The following VSIG1 variants were observed in gnomAD, a reference collection of about 807,000 sequenced individuals.
VSIG1 encodes V-set and immunoglobulin domain-containing protein 1.
In VSIG1, 11 loss-of-function variants were observed where a neutral mutation model predicts 20.1. The ratio of observed to expected loss-of-function variants is 0.55; its 90% CI spans 0.34 to 0.91. VSIG1 has a LOEUF of 0.91. Among genes scored for constraint, VSIG1 ranks in the 40% least tolerant of loss-of-function variants. The pLI, the probability that VSIG1 is intolerant of heterozygous loss-of-function variation, is 0.02. For missense variants in VSIG1, 283 were observed against 298.8 expected (o/e 0.95, Z 0.39); for synonymous variants, 126 against 116.7 (o/e 1.08, Z -0.52).
chrX:108,069,688 C>A (rs1465189358), intron 3 of VSIG1, among the ~76,000 whole-genome samples: 2 of 112,017 alleles, frequency 1.8e-5, no homozygotes, highest in Non-Finnish European at 3.8e-5. Context: ...ATTCATTTAA[C>A]AAACCCTGAG....
At chrX:108,031,011 C>T in the VSIG1 span, among the ~76,000 whole-genome samples, 73 of 112,542 alleles carry the variant, frequency 6.5e-4, no homozygotes, top group African/African-American at 2.1e-3. Flanking sequence ...CATTTATGCA[C>T]TTCCCACTCA....
the VSIG1 span, among the ~76,000 whole-genome samples, chrX:108,025,268 T>C: frequency 8.9e-6 from 1 of 112,229 alleles, no homozygotes; most frequent in African/African-American, 3.2e-5. Context: ...ATACTTATTG[T>C]TCACTATTGT....
At chrX:108,023,642 A>G in the VSIG1 span, among the ~76,000 whole-genome samples, 1 of 111,461 alleles carries the variant, frequency 9.0e-6, no homozygotes, top group Non-Finnish European at 1.9e-5. Flanking sequence ...ACAGGATTTT[A>G]ATTTATAGAG....
intron 1 of VSIG1, among the ~76,000 whole-genome samples, chrX:108,047,909 T>TATATATATATACACACAC (rs1569287267): frequency 1.9e-5 from 1 of 51,632 alleles, no homozygotes; most frequent in Non-Finnish European, 3.3e-5. Context: ...TATATACACA[T>TATATATATATACACACAC]ATATATATAC....
At chrX:108,038,867 T>C in the VSIG1 span, among the ~76,000 whole-genome samples, 2 of 111,858 alleles carry the variant, frequency 1.8e-5, no homozygotes, top group African/African-American at 6.5e-5. Context: ...TAATAATATG[T>C]TTTACTTAAC....
the VSIG1 span, among the ~76,000 whole-genome samples, chrX:108,036,469 A>G: frequency 9.0e-6 from 1 of 111,204 alleles, no homozygotes; most frequent in Admixed American, 9.5e-5. Context: ...CAAACAGTTC[A>G]ATGTACATAA....
Position 108,072,701 on chromosome X carries a change from G to T in VSIG1, c.437G>T (p.Ser146Ile). Residue 146 changes from serine (S) to isoleucine (I), a missense_variant, in exon 4 of 7, where the codon AGC becomes ATC. Physicochemically the swap from Ser to Ile is moderately radical, Grantham distance 142 (BLOSUM62 -2). Transcript: ENST00000217957. The stretch of plus-strand genomic sequence containing the variant: ...GTGAAACCTTCTAAGCCCCTTTGTA[G>T]CGTTCAAGGAAGACCAGAAACTGGC... Reference protein sequence around the residue: ...VLVKPSKPLCSVQGRPETGHT... With the variant: ...VLVKPSKPLCIVQGRPETGHT... 8.3e-7 allele frequency: 1 copy of T among 1,211,133 alleles called. No homozygotes were observed. Among genetic ancestry groups the T allele is most frequent in the South Asian group, 1.8e-5 (1 of 56,892 alleles).
chrX:108,077,385 G>C lies in VSIG1; in HGVS notation c.*4G>C. ...AAAGGGAGTGGTTAAGGCATAGGCT[G>C]GTGGCCTAAGTACAGCATTAATCAT... On this transcript the variant is annotated 3_prime_UTR_variant, in exon 7 of 7. Transcript: ENST00000217957. 8.3e-7 allele frequency: 1 copy of C among 1,206,214 alleles called. No homozygotes were observed. Among genetic ancestry groups the C allele is most frequent in the Non-Finnish European group, 1.1e-6 (1 of 892,284 alleles).
chrX:108,054,543 A>C (rs1350928107), intron 1 of VSIG1, among the ~76,000 whole-genome samples: 3 of 111,496 alleles, frequency 2.7e-5, no homozygotes, highest in Non-Finnish European at 5.7e-5. Flanking sequence ...CCTACAGAAC[A>C]TTCACCAAGA....
chrX:108,046,760 T>A (rs911810885), intron 1 of VSIG1, among the ~76,000 whole-genome samples: 1 of 111,785 alleles, frequency 8.9e-6, no homozygotes, highest in Non-Finnish European at 1.9e-5. Context: ...GTTTATTCCT[T>A]GTATACTTTT....
At chrX:108,063,024 C>A (rs1011345321) in intron 2 of VSIG1, among the ~76,000 whole-genome samples, 1 of 112,191 alleles carries the variant, frequency 8.9e-6, no homozygotes, top group African/African-American at 3.2e-5. Flanking sequence ...TCTTTTAGGA[C>A]AAATCTGGTT....
At chrX:108,063,554 T>C (rs2031071606) in intron 2 of VSIG1, among the ~76,000 whole-genome samples, 1 of 111,374 alleles carries the variant, frequency 9.0e-6, no homozygotes, top group African/African-American at 3.3e-5. Context: ...GACTTTTCCG[T>C]TCCCTGCAGT....
intron 2 of VSIG1, among the ~76,000 whole-genome samples, chrX:108,061,071 C>G (rs1271811446): frequency 8.9e-6 from 1 of 112,501 alleles, no homozygotes; most frequent in Non-Finnish European, 1.9e-5. Context: ...GGCCCTTTCT[C>G]TACCTGCTTC....
intron 2 of VSIG1, chrX:108,061,338 C>A: frequency 3.1e-6 from 2 of 646,134 alleles, no homozygotes; most frequent in Non-Finnish European, 2.4e-6. Flanking sequence ...AGTGGTCACA[C>A]TGAGAGATTC....
Position 108,073,232 on chromosome X carries a change from ATTCCCTGG to A in VSIG1, c.569-15_569-8del. On this transcript the variant is annotated splice_polypyrimidine_tract_variant and intron_variant, in intron 4 of 6. Coordinates refer to ENST00000217957, the MANE Select transcript of VSIG1 (RefSeq NM_182607.5). ...TGCACAGAAGAGATCTCAAAAGTCT[ATTCCCTGG>A]TTTCAACAGACCCAACCACCGGGAT... 8.3e-7 allele frequency: 1 copy of A among 1,209,978 alleles called. No homozygotes were observed. Among genetic ancestry groups the A allele is most frequent in the Non-Finnish European group, 1.1e-6 (1 of 894,431 alleles).
At chrX:108,047,997 T>TAC (rs2030695994) in intron 1 of VSIG1, among the ~76,000 whole-genome samples, 2 of 72,598 alleles carry the variant, frequency 2.8e-5, no homozygotes, top group Non-Finnish European at 4.9e-5. Flanking sequence ...TATATATATA[T>TAC]ATATACACAT....
chrX:108,037,664 A>G, the VSIG1 span, among the ~76,000 whole-genome samples: 1 of 112,498 alleles, frequency 8.9e-6, no homozygotes, highest in African/African-American at 3.2e-5. Flanking sequence ...TATCCCACAC[A>G]ATACACAAAA....
intron 2 of VSIG1, among the ~76,000 whole-genome samples, chrX:108,059,917 A>G (rs1204883106): frequency 8.9e-6 from 1 of 111,830 alleles, no homozygotes; most frequent in Admixed American, 9.5e-5. Flanking sequence ...CAACTGCCTG[A>G]AGGATGGGCA....
intron 2 of VSIG1, among the ~76,000 whole-genome samples, chrX:108,063,481 T>C (rs1395725453): frequency 9.0e-6 from 1 of 111,199 alleles, no homozygotes; most frequent in Non-Finnish European, 1.9e-5. Context: ...GTGGATGTAT[T>C]TCAGTCGGCC....
Sources: allele counts gnomAD v4.1 joint callset (sites outside exome capture counted in the v4.1 genomes callset), GRCh38; gene constraint gnomAD v4.1.1; transcripts MANE v1.5; gene names NCBI Gene and HGNC (gene_info 2026-07-23, HGNC 2026-07-21).